Variants in CTNNA2 observed in about 807,000 individuals in gnomAD.
The protein encoded by CTNNA2 is catenin alpha-2.
A neutral mutation model predicts 101.0 loss-of-function variants in CTNNA2; 42 were observed. The observed-to-expected ratio is 0.42, with a 90% confidence interval of 0.32 to 0.54. The LOEUF is 0.54. CTNNA2 is among the 20% of genes least tolerant of loss of function. The pLI, the probability that CTNNA2 is intolerant of heterozygous loss-of-function variation, is 0.14. For missense variants in CTNNA2, 871 were observed against 1,223.1 expected (o/e 0.71, Z 4.29); for synonymous variants, 450 against 456.4 (o/e 0.99, Z 0.18).
intron 7 of CTNNA2, among the ~76,000 whole-genome samples, chr2:80,387,597 A>C (rs374504497): frequency 6.6e-6 from 1 of 152,188 alleles, no homozygotes; most frequent in East Asian, 1.9e-4. Context: ...AATTGTAAAA[A>C]GAGAAATTTC....
At chr2:79,894,365 CA>C (rs1484154743) in intron 6 of CTNNA2, among the ~76,000 whole-genome samples, 2 of 150,478 alleles carry the variant, frequency 1.3e-5, no homozygotes, top group African/African-American at 2.4e-5. Flanking sequence ...TGTATTCCAT[CA>C]TCTTGGTAAG....
At chr2:80,397,011 CA>C (rs1480825656) in intron 8 of CTNNA2, among the ~76,000 whole-genome samples, 1 of 152,134 alleles carries the variant, frequency 6.6e-6, no homozygotes, top group Non-Finnish European at 1.5e-5. Flanking sequence ...CATTAAAAAT[CA>C]ATAAGCAAAA....
chr2:79,525,607 A>G (rs1449157348), intron 1 of CTNNA2, among the ~76,000 whole-genome samples: 1 of 152,026 alleles, frequency 6.6e-6, no homozygotes, highest in Non-Finnish European at 1.5e-5. Context: ...AATGGCAAAA[A>G]CCACAATTAC....
chr2:79,460,187 A>G (rs1477825467), intron 4 of CTNNA2, among the ~76,000 whole-genome samples: 1 of 152,102 alleles, frequency 6.6e-6, no homozygotes, highest in African/African-American at 2.4e-5. Context: ...ATTCTTTTTT[A>G]CATTAAAATA....
intron 3 of CTNNA2, among the ~76,000 whole-genome samples, chr2:79,845,830 G>T (rs1405694933): frequency 6.6e-6 from 1 of 152,082 alleles, no homozygotes; most frequent in Non-Finnish European, 1.5e-5. Context: ...TTTTATTATG[G>T]TTTATACACT....
chr2:79,895,088 G>A (rs1380005925), intron 6 of CTNNA2, among the ~76,000 whole-genome samples: 1 of 152,094 alleles, frequency 6.6e-6, no homozygotes, highest in African/African-American at 2.4e-5. Context: ...CTCTTTTCCA[G>A]TGTTACACAG....
At chr2:80,251,720 G>C (rs2149107541) in intron 7 of CTNNA2, among the ~76,000 whole-genome samples, 1 of 152,266 alleles carries the variant, frequency 6.6e-6, no homozygotes, top group South Asian at 2.1e-4. Context: ...ATAGGAAAAA[G>C]AAAATGGCAG....
intron 18 of CTNNA2, among the ~76,000 whole-genome samples, chr2:80,633,392 C>A (rs1672495357): frequency 6.6e-6 from 1 of 152,112 alleles, no homozygotes; most frequent in South Asian, 2.1e-4. Context: ...TTGACTAATT[C>A]ATATCTCAGG....
chr2:79,241,675 T>C (rs1204322982), intron 2 of CTNNA2, among the ~76,000 whole-genome samples: 7 of 152,228 alleles, frequency 4.6e-5, no homozygotes, highest in Non-Finnish European at 1.0e-4. Flanking sequence ...TTAAAAAGTT[T>C]CTATCCAATT....
At chr2:79,415,757 A>T (rs1256359605) in intron 4 of CTNNA2, among the ~76,000 whole-genome samples, 1 of 152,106 alleles carries the variant, frequency 6.6e-6, no homozygotes, top group Non-Finnish European at 1.5e-5. Context: ...GTTTTTTTTC[A>T]TCCCAGTAGA....
intron 6 of CTNNA2, among the ~76,000 whole-genome samples, chr2:79,884,032 CAAATT>C (rs563477792): frequency 1.3e-3 from 201 of 152,258 alleles, no homozygotes; most frequent in African/African-American, 4.4e-3. Flanking sequence ...ATTGCTGTAA[CAAATT>C]AAAAGTGACA....
At chr2:80,370,972 G>A (rs1361122785) in intron 7 of CTNNA2, among the ~76,000 whole-genome samples, 2 of 152,156 alleles carry the variant, frequency 1.3e-5, no homozygotes, top group African/African-American at 2.4e-5. Flanking sequence ...AGAGAAGTAT[G>A]ATTGAGCAAA....
chr2:79,326,127 T>C (rs917356490), intron 3 of CTNNA2, among the ~76,000 whole-genome samples: 1 of 152,280 alleles, frequency 6.6e-6, no homozygotes, highest in African/African-American at 2.4e-5. Context: ...TCATCACTTA[T>C]TGAGCATGTA....
chr2:80,301,335 G>T (rs980845548), intron 7 of CTNNA2, among the ~76,000 whole-genome samples: 1 of 152,206 alleles, frequency 6.6e-6, no homozygotes, highest in African/African-American at 2.4e-5. Context: ...GCAGTGAGCT[G>T]AGGGGCTCCC....
At chr2:80,640,180 T>C (rs529726410) in intron 18 of CTNNA2, among the ~76,000 whole-genome samples, 66 of 152,242 alleles carry the variant, frequency 4.3e-4, no homozygotes, top group African/African-American at 1.5e-3. Flanking sequence ...ACAATTCAAA[T>C]ACAGAAGTCG....
intron 8 of CTNNA2, among the ~76,000 whole-genome samples, chr2:80,409,180 C>T (rs1006396635): frequency 9.9e-5 from 15 of 152,132 alleles, no homozygotes; most frequent in African/African-American, 3.1e-4. Context: ...ACCCTTGCCA[C>T]CTAAAATTTC....
At chr2:79,323,047 T>C (rs2104411061) in intron 3 of CTNNA2, among the ~76,000 whole-genome samples, 1 of 152,280 alleles carries the variant, frequency 6.6e-6, no homozygotes, top group Admixed American at 6.5e-5. Context: ...AGAGGAGCAG[T>C]GTAGAGGATA....
chr2:80,563,226 G>A (rs1251333408), intron 12 of CTNNA2, among the ~76,000 whole-genome samples: 1 of 152,132 alleles, frequency 6.6e-6, no homozygotes. Context: ...CAGTGCTGGT[G>A]TCCACTGGAA....
At position 80,082,155 on chromosome 2, in the gene CTNNA2, T is replaced by C. The variant is rs140812224; in HGVS notation, c.1056+172358T>C. Among the ~76,000 whole-genome samples, 764 of 152,310 alleles carry C rather than the reference T, an allele frequency of 5.0e-3. 7 individuals carry two copies. Among genetic ancestry groups the C allele is most frequent in the Non-Finnish European group, 5.7e-3 (387 of 68,024 alleles). On this transcript the variant is annotated intron_variant, in intron 7 of 18. Transcript: ENST00000402739. ...TGGAAATGCTTTTTGAGTCATATTT[T>C]GTCATCTGATGCTATTTTTTCTAGT...
Sources: allele counts gnomAD v4.1 joint callset (sites outside exome capture counted in the v4.1 genomes callset), GRCh38; gene constraint gnomAD v4.1.1; transcripts MANE v1.5; gene names NCBI Gene and HGNC (gene_info 2026-07-23, HGNC 2026-07-21).